Variants in RSRC1 observed in about 807,000 individuals in gnomAD.
The protein encoded by RSRC1 is arginine and serine rich coiled-coil 1, also known as serine/Arginine-related protein 53.
In RSRC1, 39 loss-of-function variants were observed where a neutral mutation model predicts 49.1. The ratio of observed to expected loss-of-function variants is 0.79; its 90% CI spans 0.61 to 1.04. The LOEUF (loss-of-function observed/expected upper bound fraction) is 1.04, where lower values mean the gene tolerates loss of function less well. Among genes scored for constraint, RSRC1 ranks in the 50% least tolerant of loss-of-function variants. RSRC1 has a pLI of 0.00. For synonymous variants in RSRC1, 143 were observed against 130.8 expected (o/e 1.09, Z -0.63); for missense variants, 388 against 402.4 (o/e 0.96, Z 0.31).
rs112179275 is a variant in RSRC1 at position 158,127,224 on chromosome 3, C to T, written c.320+3233C>T. On this transcript the variant is annotated intron_variant, in intron 3 of 9. Coordinates refer to ENST00000611884, the MANE Select transcript of RSRC1 (RefSeq NM_001271838.2). Reference sequence around the variant, plus strand: ...GCCATTATGTCTTCAAATAAGCTCTCTGTTCATTTCTGTTTCTTCTTCTTA... The same window carrying T: ...GCCATTATGTCTTCAAATAAGCTCTTTGTTCATTTCTGTTTCTTCTTCTTA... 8.4e-3 allele frequency among the ~76,000 whole-genome samples: 1,275 copies of T among 152,218 alleles called. 20 individuals are homozygous for T. The highest frequency in any genetic ancestry group is 0.03 in the African/African-American group (1,239 of 41,544).
At chr3:158,531,118 T>C (rs891839533) in intron 7 of RSRC1, among the ~76,000 whole-genome samples, 14 of 150,708 alleles carry the variant, frequency 9.3e-5, no homozygotes, top group Admixed American at 6.7e-5. Flanking sequence ...CTCCACTAAG[T>C]TCTGGAGGTG....
At chr3:158,175,250 A>T (rs1208934065) in intron 3 of RSRC1, among the ~76,000 whole-genome samples, 3 of 151,934 alleles carry the variant, frequency 2.0e-5, no homozygotes, top group Non-Finnish European at 2.9e-5. Context: ...TATTTCAAAT[A>T]TCTTCTTCCA....
chr3:158,250,235 G>C (rs1218439377), intron 4 of RSRC1, among the ~76,000 whole-genome samples: 4 of 152,174 alleles, frequency 2.6e-5, no homozygotes, highest in Non-Finnish European at 4.4e-5. Flanking sequence ...CACTTAGGTT[G>C]TTTCCTAATC....
intron 3 of RSRC1, among the ~76,000 whole-genome samples, chr3:158,146,163 A>G (rs147750803): frequency 4.0e-5 from 6 of 151,586 alleles, no homozygotes; most frequent in African/African-American, 7.3e-5. Flanking sequence ...TTCCAACACT[A>G]TGTTGAATAG....
chr3:158,281,041 G>A (rs980791996), intron 4 of RSRC1, among the ~76,000 whole-genome samples: 9 of 152,148 alleles, frequency 5.9e-5, no homozygotes, highest in African/African-American at 2.2e-4. Flanking sequence ...AGCTATGACA[G>A]AATTAAGAAA....
intron 3 of RSRC1, among the ~76,000 whole-genome samples, chr3:158,136,180 G>T (rs886152732): frequency 1.4e-4 from 22 of 152,168 alleles, no homozygotes; most frequent in African/African-American, 5.1e-4. Flanking sequence ...CTGAGTCTCA[G>T]TATCTTCATG....
intron 6 of RSRC1, among the ~76,000 whole-genome samples, chr3:158,369,263 A>T (rs562584949): frequency 5.3e-5 from 8 of 152,100 alleles, no homozygotes; most frequent in Admixed American, 2.6e-4. Context: ...TTTTTATTAT[A>T]ATTTTCTCTT....
At chr3:158,396,978 T>C (rs1054922072) in intron 6 of RSRC1, among the ~76,000 whole-genome samples, 2 of 152,120 alleles carry the variant, frequency 1.3e-5, no homozygotes, top group African/African-American at 4.8e-5. Flanking sequence ...CAAACATCTA[T>C]AGTTAGTGAT....
At chr3:158,197,613 T>C (rs1720717740) in intron 3 of RSRC1, among the ~76,000 whole-genome samples, 4 of 152,206 alleles carry the variant, frequency 2.6e-5, no homozygotes, top group Admixed American at 2.6e-4. Context: ...TTTCCTGCTT[T>C]CTCTTGTGGG....
intron 6 of RSRC1, among the ~76,000 whole-genome samples, chr3:158,396,974 T>A (rs1239186150): frequency 6.6e-6 from 1 of 152,118 alleles, no homozygotes; most frequent in Non-Finnish European, 1.5e-5. Flanking sequence ...AGGTCAAACA[T>A]CTATAGTTAG....
intron 3 of RSRC1, among the ~76,000 whole-genome samples, chr3:158,170,366 G>A (rs976652172): frequency 7.6e-6 from 1 of 132,224 alleles, no homozygotes; most frequent in African/African-American, 2.9e-5. Context: ...CATTTTTATT[G>A]TATAGTATAT....
intron 5 of RSRC1, among the ~76,000 whole-genome samples, chr3:158,322,548 G>A (rs918812615): frequency 4.6e-5 from 7 of 152,180 alleles, no homozygotes; most frequent in Non-Finnish European, 5.9e-5. Flanking sequence ...TGGCTACTAG[G>A]AATTTGACTA....
chr3:158,525,440 A>T (rs975783990), intron 7 of RSRC1, among the ~76,000 whole-genome samples: 2 of 152,004 alleles, frequency 1.3e-5, no homozygotes, highest in Non-Finnish European at 2.9e-5. Flanking sequence ...GTACTCTTCT[A>T]CACTGCTGTT....
chr3:158,389,212 T>C (rs1206862744), intron 6 of RSRC1, among the ~76,000 whole-genome samples: 4 of 152,220 alleles, frequency 2.6e-5, no homozygotes, highest in African/African-American at 9.6e-5. Flanking sequence ...CATCACTCTT[T>C]CATCAGTTGC....
intron 6 of RSRC1, among the ~76,000 whole-genome samples, chr3:158,448,185 G>C (rs1188624360): frequency 2.6e-5 from 4 of 151,852 alleles, no homozygotes; most frequent in African/African-American, 9.7e-5. Context: ...AACACAGAAT[G>C]ATGAAATTAT....
chr3:158,403,677 A>C (rs1339595553), intron 6 of RSRC1, among the ~76,000 whole-genome samples: 4 of 151,794 alleles, frequency 2.6e-5, no homozygotes, highest in Non-Finnish European at 4.4e-5. Flanking sequence ...GAAAATTAAG[A>C]AACAATTTTC....
chr3:158,224,621 A>G (rs1041155061), intron 4 of RSRC1, among the ~76,000 whole-genome samples: 1 of 151,842 alleles, frequency 6.6e-6, no homozygotes, highest in African/African-American at 2.4e-5. Flanking sequence ...AAGGTTAAGT[A>G]GCAGTGCAGG....
At chr3:158,258,373 A>G (rs949573216) in intron 4 of RSRC1, among the ~76,000 whole-genome samples, 11 of 151,472 alleles carry the variant, frequency 7.3e-5, no homozygotes, top group African/African-American at 1.9e-4. Flanking sequence ...TCAGAACTTC[A>G]TATATGTGAT....
intron 3 of RSRC1, among the ~76,000 whole-genome samples, chr3:158,133,544 G>A (rs1436540867): frequency 6.6e-6 from 1 of 152,164 alleles, no homozygotes; most frequent in African/African-American, 2.4e-5. Context: ...GTTTTACTGA[G>A]CATTTGCTTA....
Sources: gnomAD v4.1 joint callset for allele counts (sites outside exome capture counted in the v4.1 genomes callset) on GRCh38, gnomAD v4.1.1 for gene constraint, MANE v1.5 for transcripts, NCBI Gene and HGNC (gene_info 2026-07-23, HGNC 2026-07-21) for gene names.